Variants in PGS1 observed in about 807,000 individuals in gnomAD.
The protein encoded by PGS1 is CDP-diacylglycerol--glycerol-3-phosphate 3-phosphatidyltransferase, mitochondrial.
Under a neutral mutation model 58.3 loss-of-function variants are expected in PGS1, and 44 were observed. The ratio of observed to expected loss-of-function variants is 0.75; its 90% CI spans 0.59 to 0.97. The LOEUF (loss-of-function observed/expected upper bound fraction) is 0.97, where lower values mean the gene tolerates loss of function less well. Ranked by LOEUF, PGS1 falls within the 50% of genes least tolerant of loss-of-function variation. PGS1 has a pLI of 0.00. For synonymous variants in PGS1, 330 were observed against 311.0 expected (o/e 1.06, Z -0.64); for missense variants, 684 against 731.1 (o/e 0.94, Z 0.74).
chr17:78,385,994 C>T (rs1403327662), intron 1 of PGS1, among the ~76,000 whole-genome samples: 2 of 152,178 alleles, frequency 1.3e-5, no homozygotes, highest in Non-Finnish European at 2.9e-5. Flanking sequence ...AGAAACTTTC[C>T]TCCCCTCCCC....
Position 78,400,258 on chromosome 17 carries a change from A to G in PGS1, c.702-419A>G, listed in dbSNP as rs1327217312. Reference sequence around the variant, plus strand: ...AAATTAGCTGGGTGTGGTGGCACACACCTGTAATCCCAGCTACTCGGGAGG... The same window carrying G: ...AAATTAGCTGGGTGTGGTGGCACACGCCTGTAATCCCAGCTACTCGGGAGG... On this transcript the variant is annotated intron_variant, in intron 5 of 9. Transcript: ENST00000262764. This position sits in a 1 kb window ranked among gnomAD's most constrained non-coding sequence, Gnocchi z 4.4. Among the ~76,000 whole-genome samples, 1 of 151,938 alleles carries G rather than the reference A, an allele frequency of 6.6e-6. No individual in the cohort carries two copies. The highest frequency in any genetic ancestry group is 1.5e-5 in the Non-Finnish European group (1 of 67,970).
chr17:78,396,434 A>G (rs2146174573), intron 3 of PGS1, 49 bp downstream of exon 3: 3 of 1,310,388 alleles, frequency 2.3e-6, no homozygotes, highest in East Asian at 4.7e-5. Flanking sequence ...AATGGGCCCC[A>G]ACATGCCACA....
At position 78,379,049 on chromosome 17, in the gene PGS1, C is replaced by G. The variant is rs1017263101; in HGVS notation, c.143+241C>G. On this transcript the variant is annotated intron_variant, in intron 1 of 9. Coordinates refer to ENST00000262764, the MANE Select transcript of PGS1 (RefSeq NM_024419.5). ...GGGTCCAGCCGGCGGGCCTCCTGCG[C>G]AGCCCGGCCAGTCCTTGCTCCCCGT... Among the ~76,000 whole-genome samples the G allele has an allele frequency of 1.4e-4, 22 of 152,294 alleles. No homozygotes were observed. In the East Asian group the frequency reaches 3.7e-3, roughly 25 times the overall value.
chr17:78,422,418 G>A (rs1262742271), intron 9 of PGS1, among the ~76,000 whole-genome samples: 4 of 130,116 alleles, frequency 3.1e-5, no homozygotes, highest in Non-Finnish European at 5.3e-5. Context: ...CCATGATTTA[G>A]GTGAGTAAAC....
chr17:78,391,275 C>G (rs1176150830), intron 1 of PGS1, among the ~76,000 whole-genome samples: 1 of 151,958 alleles, frequency 6.6e-6, no homozygotes, highest in Non-Finnish European at 1.5e-5. Context: ...TTGAGAGGAG[C>G]TCATTTGCTC....
chr17:78,420,231 C>G (rs779375742), intron 9 of PGS1: 80 of 990,604 alleles, frequency 8.1e-5, no homozygotes, highest in Non-Finnish European at 9.2e-5. Context: ...CCCTTCTAGA[C>G]TCTGGAAGTT....
intron 2 of PGS1, among the ~76,000 whole-genome samples, chr17:78,394,562 C>T (rs2083082291): frequency 6.7e-6 from 1 of 148,780 alleles, no homozygotes; most frequent in Admixed American, 6.7e-5. Flanking sequence ...CTTTTCTTTT[C>T]TTTTTTTTTT....
chr17:78,412,999 T>C (rs1241137695), intron 7 of PGS1, among the ~76,000 whole-genome samples: 5 of 152,162 alleles, frequency 3.3e-5, no homozygotes, highest in Non-Finnish European at 7.3e-5. Flanking sequence ...CTGTTCGGCT[T>C]GGACCAACCT....
chr17:78,424,257 G>T lies in PGS1; in HGVS notation c.*207G>T. 7.1e-7 allele frequency: 1 copy of T among 1,406,480 alleles called. No individual in the cohort carries two copies. The highest frequency in any genetic ancestry group is 9.4e-7 in the Non-Finnish European group (1 of 1,061,308). The allele number at this position is 1,406,480 out of a possible 1,614,324, so 87.1% of individuals were successfully genotyped here. ...ACACTCCCCGCCCTCTGCAGAGCTG[G>T]GCTCTACCCCAAAAGGCTTCAGGCC... On this transcript the variant is annotated 3_prime_UTR_variant, in exon 10 of 10. Transcript: ENST00000262764.
chr17:78,405,313 G>T (rs1460832822), intron 7 of PGS1, among the ~76,000 whole-genome samples: 1 of 152,188 alleles, frequency 6.6e-6, no homozygotes, highest in Non-Finnish European at 1.5e-5. Flanking sequence ...CCTTTCTCAG[G>T]GAGAAAGAAG....
chr17:78,392,641 G>A lies in PGS1; in HGVS notation c.309G>A (p.Pro103=), dbSNP rs573191673. 5.0e-6 allele frequency: 8 copies of A among 1,613,892 alleles called. No homozygotes were observed. In the Admixed American group the frequency reaches 5.0e-5, roughly 10 times the overall value. ...SSSHVRVLSS[P]AEFFELMKGQ... ...CTCACGTTAGGGTGCTTTCTTCCCC[G>A]GCAGAGTTTTTCGAGCTCATGAAGG... The change falls in exon 2 of 10, where the codon CCG becomes CCA. Residue 103 remains proline, a synonymous_variant. Coordinates refer to ENST00000262764, the MANE Select transcript of PGS1 (RefSeq NM_024419.5).
intron 1 of PGS1, among the ~76,000 whole-genome samples, chr17:78,385,517 C>A (rs1294646516): frequency 1.3e-5 from 2 of 152,328 alleles, no homozygotes; most frequent in East Asian, 3.9e-4. Context: ...TCTCGATCTC[C>A]TGACGTCGTG....
intron 6 of PGS1, among the ~76,000 whole-genome samples, chr17:78,402,140 G>C (rs2083724860): frequency 6.6e-6 from 1 of 152,194 alleles, no homozygotes; most frequent in Admixed American, 6.5e-5. Flanking sequence ...GGCATCAACA[G>C]GCTAGACTCC....
In PGS1 at chr17:78,419,671, G is replaced by C; in HGVS notation, c.*6G>C. 2 of 1,613,742 alleles carry C rather than the reference G, an allele frequency of 1.2e-6. No homozygotes were observed. The highest frequency in any genetic ancestry group is 1.6e-4 in the Middle Eastern group (1 of 6,062). ...TGATCAAGAACTTCTTCTGAGGACAGACAGGTGCTGTCTCTAGCATCACCT... is the reference window on the plus strand; with the variant it reads ...TGATCAAGAACTTCTTCTGAGGACACACAGGTGCTGTCTCTAGCATCACCT... On this transcript the variant is annotated 3_prime_UTR_variant, in exon 9 of 10. Transcript: ENST00000262764.
Position 78,392,532 on chromosome 17 carries a change from C to T in PGS1, c.200C>T (p.Ser67Phe). Reference sequence around the variant, plus strand: ...TCCCCAGCTGTTCCCCAGGTCACCTCCCCACCTTGCTGCCTGTGTCCAGAA... The same window carrying T: ...TCCCCAGCTGTTCCCCAGGTCACCTTCCCACCTTGCTGCCTGTGTCCAGAA... ...LLSPAVPQVT[S>F]PPCCLCPEGV... Residue 67 changes from serine (S) to phenylalanine (F), a missense_variant, in exon 2 of 10, where the codon TCC (serine) becomes TTC (phenylalanine). Physicochemically the swap from Ser to Phe is radical, Grantham distance 155. Transcript: ENST00000262764. 3.1e-6 allele frequency: 5 copies of T among 1,614,168 alleles called. No individual in the cohort carries two copies. The highest frequency in any genetic ancestry group is 4.2e-6 in the Non-Finnish European group (5 of 1,180,002).
At chr17:78,412,013 CT>C (rs1182510312) in intron 7 of PGS1, among the ~76,000 whole-genome samples, 7 of 133,292 alleles carry the variant, frequency 5.3e-5, no homozygotes, top group Admixed American at 9.1e-5. Flanking sequence ...TCTGTAAGGG[CT>C]TTTAGATTCC....
At position 78,385,521 on chromosome 17, in the gene PGS1, C is replaced by A. The variant is rs551773967; in HGVS notation, c.143+6713C>A. ...AGCCAGGATGGTCTCGATCTCCTGA[C>A]GTCGTGATCCGCCTGCTTCGGCCTC... On this transcript the variant is annotated intron_variant, in intron 1 of 9. Transcript: ENST00000262764. Among the ~76,000 whole-genome samples, 28 of 152,322 alleles carry A rather than the reference C, an allele frequency of 1.8e-4. 1 individual carries two copies. In the South Asian group the frequency reaches 5.4e-3, roughly 29 times the overall value.
chr17:78,383,282 T>C (rs1198055940), intron 1 of PGS1, among the ~76,000 whole-genome samples: 2 of 152,070 alleles, frequency 1.3e-5, no homozygotes, highest in African/African-American at 4.8e-5. Flanking sequence ...AGTTTCACTC[T>C]TGATGCCCAG....
At chr17:78,391,000 G>T (rs1423511488) in intron 1 of PGS1, among the ~76,000 whole-genome samples, 1 of 152,038 alleles carries the variant, frequency 6.6e-6, no homozygotes, top group Non-Finnish European at 1.5e-5. Context: ...GAGTGCAGTG[G>T]CACCATCTCA....
Sources: allele counts gnomAD v4.1 joint callset (sites outside exome capture counted in the v4.1 genomes callset), GRCh38; gene constraint gnomAD v4.1.1; non-coding constraint Gnocchi (gnomAD v3.1); transcripts MANE v1.5; gene names NCBI Gene and HGNC (gene_info 2026-07-23, HGNC 2026-07-21).